The following CCDC82 variants were observed in gnomAD, a reference collection of about 807,000 sequenced individuals.
CCDC82 encodes the protein coiled-coil domain containing 82, also known as coiled-coil domain-containing protein 82.
In CCDC82, 47 loss-of-function variants were observed where a neutral mutation model predicts 60.6. The ratio of observed to expected loss-of-function variants is 0.77; its 90% confidence interval spans 0.61 to 0.99. CCDC82 has a LOEUF of 0.99. Among genes scored for constraint, CCDC82 ranks in the 50% least tolerant of loss-of-function variants. The pLI is 0.00. For missense variants in CCDC82, 588 were observed against 633.0 expected (o/e 0.93, Z 0.76); for synonymous variants, 212 against 207.4 (o/e 1.02, Z -0.19).
chr11:96,365,987 T>A (rs1408429092), intron 7 of CCDC82, among the ~76,000 whole-genome samples: 1 of 152,248 alleles, frequency 6.6e-6, no homozygotes, highest in African/African-American at 2.4e-5. Context: ...TATTATATGA[T>A]TGAAAACTAC....
At chr11:96,367,207 T>C (rs1864995026) in intron 7 of CCDC82, among the ~76,000 whole-genome samples, 1 of 152,212 alleles carries the variant, frequency 6.6e-6, no homozygotes, top group Non-Finnish European at 1.5e-5. Context: ...CATCCATTCT[T>C]AAGACAACAA....
chr11:96,361,426 AC>A lies in CCDC82; in HGVS notation c.1381-2249del, dbSNP rs554956545. Among the ~76,000 whole-genome samples the A allele has an allele frequency of 1.9e-3, 295 of 152,234 alleles. 1 individual carries two copies. Among genetic ancestry groups the A allele is most frequent in the African/African-American group, 6.9e-3 (287 of 41,526 alleles). On this transcript the variant is annotated intron_variant, in intron 8 of 9. Transcript: ENST00000646818. ...TTACTTCTTTCCATTTCTAATTCCT[AC>A]CCCTCTTGGCATCTACTTATCATCA...
chr11:96,357,707 G>C (rs1339444815), intron 9 of CCDC82: 1 of 985,088 alleles, frequency 1.0e-6, no homozygotes, highest in Non-Finnish European at 1.2e-6. Flanking sequence ...AGGTTTTGCA[G>C]TTCCACTAGA....
chr11:96,359,324 T>C, intron 8 of CCDC82, 146 bp from the exon 9 acceptor site: 1 of 633,342 alleles, frequency 1.6e-6, no homozygotes, highest in East Asian at 3.2e-5. Context: ...CTTATACAAC[T>C]AGTCAAACAC....
chr11:96,380,504 A>C (rs1865818552), intron 5 of CCDC82: 1 of 151,762 alleles, frequency 6.6e-6, no homozygotes, highest in Non-Finnish European at 1.5e-5. Context: ...AATGAGTTGA[A>C]AACTTATGTC....
At chr11:96,377,585 T>A (rs1016670844) in intron 5 of CCDC82, among the ~76,000 whole-genome samples, 1 of 152,174 alleles carries the variant, frequency 6.6e-6, no homozygotes, top group African/African-American at 2.4e-5. Flanking sequence ...TAACAACTGC[T>A]TTTCTTAAAA....
chr11:96,384,650 C>T lies in CCDC82; in HGVS notation c.98G>A (p.Ser33Asn), dbSNP rs778929601. ...ATCACTATCAAGTAATTGTGAGATA[C>T]TACTTCTTTTAGTTCGCCTCCAATC... is the stretch of plus-strand genomic sequence containing the variant. ...RVDWRRTKRS[S>N]ISQLLDSDEE... Residue 33 changes from serine (S) to asparagine (N), a missense_variant, in exon 4 of 10, where the codon AGT (serine) becomes AAT (asparagine). Physicochemically the swap from Ser to Asn is conservative, Grantham distance 46 (BLOSUM62 1). Coordinates refer to ENST00000646818, the MANE Select transcript of CCDC82 (RefSeq NM_024725.4). 6.8e-6 allele frequency: 11 copies of T among 1,613,378 alleles called. No homozygotes were observed. Among genetic ancestry groups the T allele is most frequent in the East Asian group, 2.2e-5 (1 of 44,868 alleles).
intron 5 of CCDC82, 67 bp from the exon 6 acceptor site, chr11:96,373,534 C>A: frequency 1.2e-6 from 1 of 868,158 alleles, no homozygotes; most frequent in Non-Finnish European, 1.9e-6. Context: ...ACAATAGGTT[C>A]CATTCTCCAC....
chr11:96,377,395 T>A (rs1238874263), intron 5 of CCDC82, among the ~76,000 whole-genome samples: 1 of 151,926 alleles, frequency 6.6e-6, no homozygotes, highest in Non-Finnish European at 1.5e-5. Flanking sequence ...GTTCAAATAA[T>A]GTCTTTTCTT....
chr11:96,372,493 A>AG (rs1479597781), intron 6 of CCDC82, among the ~76,000 whole-genome samples: 43 of 151,658 alleles, frequency 2.8e-4, no homozygotes, highest in African/African-American at 1.0e-3. Context: ...CCTAGCTTAT[A>AG]GTAGACATTC....
chr11:96,359,081 G>A lies in CCDC82; in HGVS notation c.1478C>T (p.Ala493Val). The A allele has an allele frequency of 6.2e-7, 1 of 1,606,766 alleles. No homozygotes were observed. Among genetic ancestry groups the A allele is most frequent in the Non-Finnish European group, 8.5e-7 (1 of 1,178,114 alleles). The change falls in exon 9 of 10, where the codon GCA becomes GTA. Residue 493 changes from alanine (A) to valine (V), a missense_variant. By Grantham distance (64) the Ala-to-Val change is moderately conservative (BLOSUM62 0). Transcript: ENST00000646818. ...FKLYQECCTI[A>V]MTEEVEDEQV... is the part of the protein sequence containing the mutation. ...TTCATCTTCAACTTCTTCTGTCATT[G>A]CAATGGTGCAACATTCCTGGTATAG...
chr11:96,371,450 C>T (rs1463918502), intron 6 of CCDC82, among the ~76,000 whole-genome samples: 1 of 151,942 alleles, frequency 6.6e-6, no homozygotes, highest in Non-Finnish European at 1.5e-5. Flanking sequence ...GGCGTGGTAG[C>T]GGGCACCTGT....
intron 5 of CCDC82, among the ~76,000 whole-genome samples, chr11:96,378,879 A>G (rs537700925): frequency 6.6e-6 from 1 of 152,138 alleles, no homozygotes; most frequent in Middle Eastern, 3.4e-3. Context: ...AAAGAAAAAG[A>G]CTATGACTGT....
chr11:96,378,436 T>C (rs1865703636), intron 5 of CCDC82, among the ~76,000 whole-genome samples: 1 of 152,042 alleles, frequency 6.6e-6, no homozygotes, highest in South Asian at 2.1e-4. Flanking sequence ...TTACTTATCC[T>C]AGAACAAGGG....
At chr11:96,366,753 G>T (rs567645748) in intron 7 of CCDC82, among the ~76,000 whole-genome samples, 1 of 152,208 alleles carries the variant, frequency 6.6e-6, no homozygotes, top group East Asian at 1.9e-4. Context: ...TCCTCATGGG[G>T]TTACTTTGAA....
intron 7 of CCDC82, among the ~76,000 whole-genome samples, chr11:96,369,582 T>G (rs1865149412): frequency 6.6e-6 from 1 of 152,174 alleles, no homozygotes; most frequent in Non-Finnish European, 1.5e-5. Flanking sequence ...TAAATTAAGT[T>G]CACTATTATA....
At chr11:96,358,899 T>TA (rs1286353698) in intron 9 of CCDC82, 94 bp downstream of exon 9, 2 of 1,158,630 alleles carry the variant, frequency 1.7e-6, no homozygotes, top group Non-Finnish European at 1.2e-6. Flanking sequence ...GAGATTCTCT[T>TA]AAATTTCACT....
chr11:96,386,072 T>C (rs200908370), intron 3 of CCDC82, 182 bp downstream of exon 3: 2 of 152,190 alleles, frequency 1.3e-5, no homozygotes, highest in African/African-American at 2.4e-5. Context: ...ACAGTGACTT[T>C]AACACCCACT....
intron 7 of CCDC82, among the ~76,000 whole-genome samples, chr11:96,369,376 G>A (rs1247478349): frequency 6.6e-6 from 1 of 152,180 alleles, no homozygotes; most frequent in Admixed American, 6.5e-5. Context: ...TCCTCAAAAA[G>A]CTTAATCATT....
Sources: gnomAD v4.1 joint callset for allele counts (sites outside exome capture counted in the v4.1 genomes callset) on GRCh38, gnomAD v4.1.1 for gene constraint, MANE v1.5 for transcripts, NCBI Gene and HGNC (gene_info 2026-07-23, HGNC 2026-07-21) for gene names.